MALRD1: variants seen among roughly 807,000 people sequenced by gnomAD.
MALRD1 encodes the protein MAM and LDL-receptor class A domain-containing protein 1.
In MALRD1, 247 loss-of-function variants were observed where a neutral mutation model predicts 242.1. The ratio of observed to expected loss-of-function variants is 1.02; its 90% CI spans 0.92 to 1.13. The LOEUF (loss-of-function observed/expected upper bound fraction) is 1.13. Among genes scored for constraint, MALRD1 ranks in the 50% most tolerant of loss-of-function variants. The pLI is 0.00. For missense variants in MALRD1, 2,989 were observed against 2,533.1 expected (o/e 1.18, Z -3.86); for synonymous variants, 995 against 866.6 (o/e 1.15, Z -2.60).
intron 36 of MALRD1, 74 bp from the exon 37 acceptor site, chr10:19,692,208 A>C: frequency 9.0e-7 from 1 of 1,108,532 alleles, no homozygotes; most frequent in Admixed American, 2.5e-5. Context: ...TCATGATTTT[A>C]TCCCATGCCA....
intron 4 of MALRD1, among the ~76,000 whole-genome samples, chr10:19,098,862 G>T (rs1836141740): frequency 6.6e-6 from 1 of 152,080 alleles, no homozygotes; most frequent in African/African-American, 2.4e-5. Flanking sequence ...AAATGCAGGG[G>T]GTTTTATAGA....
At chr10:19,605,081 G>T (rs1354708973) in intron 34 of MALRD1, among the ~76,000 whole-genome samples, 1 of 151,944 alleles carries the variant, frequency 6.6e-6, no homozygotes, top group Non-Finnish European at 1.5e-5. Flanking sequence ...TAAACATTTG[G>T]GAAAGCTGAA....
At chr10:19,397,916 A>ATTT (rs58737628) in intron 28 of MALRD1, among the ~76,000 whole-genome samples, 2 of 145,788 alleles carry the variant, frequency 1.4e-5, no homozygotes, top group African/African-American at 5.0e-5. Context: ...GATGCCGAGC[A>ATTT]TTTTTTTTTT....
At chr10:19,174,589 T>TACTC in intron 13 of MALRD1, among the ~76,000 whole-genome samples, 1 of 152,104 alleles carries the variant, frequency 6.6e-6, no homozygotes, top group South Asian at 2.1e-4. Flanking sequence ...AACAACATAA[T>TACTC]ATGAGTAATT....
chr10:19,301,826 A>G (rs758884451), intron 21 of MALRD1, among the ~76,000 whole-genome samples: 6 of 151,802 alleles, frequency 4.0e-5, no homozygotes, highest in African/African-American at 1.5e-4. Context: ...GAATTTACCC[A>G]TTTAACAAAC....
At chr10:19,283,339 T>G (rs565315208) in intron 21 of MALRD1, among the ~76,000 whole-genome samples, 158 bp downstream of exon 21, 2 of 152,276 alleles carry the variant, frequency 1.3e-5, no homozygotes, top group South Asian at 4.1e-4. Context: ...ATGGAAAAAT[T>G]ATCAATTAAA....
intron 30 of MALRD1, among the ~76,000 whole-genome samples, chr10:19,492,654 C>T (rs947918592): frequency 5.3e-5 from 8 of 152,136 alleles, no homozygotes; most frequent in South Asian, 2.1e-4. Context: ...AAGTGTCCCC[C>T]GATCCTCAGG....
At chr10:19,201,794 A>G (rs372358723) in intron 14 of MALRD1, among the ~76,000 whole-genome samples, 1 of 152,026 alleles carries the variant, frequency 6.6e-6, no homozygotes, top group Non-Finnish European at 1.5e-5. Flanking sequence ...ATTTTGCTTT[A>G]CCGAAGATTT....
intron 36 of MALRD1, among the ~76,000 whole-genome samples, chr10:19,662,984 G>T (rs1451439778): frequency 1.3e-5 from 2 of 152,036 alleles, no homozygotes; most frequent in Non-Finnish European, 2.9e-5. Context: ...GAGTGGCCCT[G>T]TAGTGGGATT....
At chr10:19,163,506 G>A (rs1834533657) in intron 12 of MALRD1, among the ~76,000 whole-genome samples, 2 of 151,398 alleles carry the variant, frequency 1.3e-5, no homozygotes, top group Admixed American at 1.3e-4. Context: ...TACTTTAGGG[G>A]GGAGGGTGGA....
chr10:19,424,322 G>A (rs1833824296), intron 28 of MALRD1, among the ~76,000 whole-genome samples: 2 of 151,990 alleles, frequency 1.3e-5, no homozygotes, highest in South Asian at 4.2e-4. Flanking sequence ...ACCACGCTTA[G>A]CTCATTTTTG....
chr10:19,435,194 A>G (rs1834303908), intron 28 of MALRD1, among the ~76,000 whole-genome samples: 1 of 151,436 alleles, frequency 6.6e-6, no homozygotes, highest in Admixed American at 6.6e-5. Context: ...CAGCTTTTAC[A>G]AATTTATTTA....
chr10:19,533,018 A>T (rs1834494031), intron 32 of MALRD1, among the ~76,000 whole-genome samples: 1 of 152,174 alleles, frequency 6.6e-6, no homozygotes, highest in Admixed American at 6.5e-5. Context: ...ATTGAAGAGG[A>T]CACTAGTCTA....
At chr10:19,451,641 ATTG>A (rs905421868) in intron 29 of MALRD1, among the ~76,000 whole-genome samples, 2 of 152,122 alleles carry the variant, frequency 1.3e-5, no homozygotes, top group Non-Finnish European at 2.9e-5. Flanking sequence ...GTTTAATTTT[ATTG>A]TTGCTCTCAT....
intron 26 of MALRD1, among the ~76,000 whole-genome samples, chr10:19,361,060 T>G: frequency 6.6e-6 from 1 of 152,108 alleles, no homozygotes; most frequent in East Asian, 1.9e-4. Context: ...GTCTGCTATT[T>G]GCTCCTCAAC....
At chr10:19,246,306 G>C (rs1359847172) in intron 18 of MALRD1, among the ~76,000 whole-genome samples, 1 of 152,006 alleles carries the variant, frequency 6.6e-6, no homozygotes, top group East Asian at 1.9e-4. Context: ...TTTTCATTTT[G>C]TATTAAGTAA....
intron 28 of MALRD1, among the ~76,000 whole-genome samples, chr10:19,409,180 A>G (rs931756696): frequency 1.3e-5 from 2 of 152,212 alleles, no homozygotes; most frequent in African/African-American, 4.8e-5. Context: ...GCATGCAACA[A>G]CCTGGATGAA....
chr10:19,117,211 A>G (rs1172037720), intron 5 of MALRD1, among the ~76,000 whole-genome samples: 1 of 152,144 alleles, frequency 6.6e-6, no homozygotes, highest in Non-Finnish European at 1.5e-5. Context: ...GATTGAATGC[A>G]CTAAAATAAA....
chr10:19,581,343 A>G (rs1472906677), intron 33 of MALRD1, among the ~76,000 whole-genome samples: 3 of 146,934 alleles, frequency 2.0e-5, no homozygotes, highest in African/African-American at 7.5e-5. Context: ...AGCATTAGGT[A>G]TATCTCCCAA....
Sources: allele counts gnomAD v4.1 joint callset (sites outside exome capture counted in the v4.1 genomes callset), GRCh38; gene constraint gnomAD v4.1.1; transcripts MANE v1.5; gene names NCBI Gene and HGNC (gene_info 2026-07-23, HGNC 2026-07-21).